TRAPPC8: variants seen among roughly 807,000 people sequenced by gnomAD.
TRAPPC8 encodes the protein trafficking protein particle complex subunit 8.
A neutral mutation model predicts 174.3 loss-of-function variants in TRAPPC8; 54 were observed. The observed-to-expected ratio is 0.31, with a 90% CI of 0.25 to 0.39. The LOEUF is 0.39. Ranked by LOEUF, TRAPPC8 falls within the 10% of genes least tolerant of loss-of-function variation. The probability of loss-of-function intolerance (pLI) is 1.00; values close to 1 mark genes in which losing one functional copy is unlikely to be tolerated. For synonymous variants in TRAPPC8, 630 were observed against 579.9 expected (o/e 1.09, Z -1.24); for missense variants, 1,531 against 1,699.1 (o/e 0.90, Z 1.74).
intron 26 of TRAPPC8, 84 bp from the exon 27 acceptor site, chr18:31,839,541 G>C: frequency 7.9e-7 from 1 of 1,273,162 alleles, no homozygotes; most frequent in East Asian, 2.5e-5. Context: ...ATATACAAAA[G>C]TTAAAATCAG....
chr18:31,917,461 T>TA, intron 3 of TRAPPC8, 117 bp downstream of exon 3: 1 of 878,086 alleles, frequency 1.1e-6, no homozygotes, highest in Non-Finnish European at 1.7e-6. Flanking sequence ...TGTCAATCTA[T>TA]AAAAAATAAT....
chr18:31,880,777 T>C (rs763077557), intron 12 of TRAPPC8, among the ~76,000 whole-genome samples: 1 of 152,114 alleles, frequency 6.6e-6, no homozygotes, highest in Non-Finnish European at 1.5e-5. Context: ...CTAAAGACAG[T>C]AGTCATTAGG....
chr18:31,925,392 C>A (rs1373374212), intron 2 of TRAPPC8, among the ~76,000 whole-genome samples: 1 of 151,632 alleles, frequency 6.6e-6, no homozygotes, highest in East Asian at 1.9e-4. Context: ...AAAAAAACCC[C>A]AAAAAGACAC....
At position 31,832,084 on chromosome 18, in the gene TRAPPC8, C is replaced by A; in HGVS notation, c.4073G>T (p.Ser1358Ile). 1 of 1,531,664 alleles carries A rather than the reference C, an allele frequency of 6.5e-7. No individual in the cohort carries two copies. The highest frequency in any genetic ancestry group is 1.3e-5 in the South Asian group (1 of 77,184). The allele number at this position is 1,531,664 out of a possible 1,614,324, so 94.9% of individuals were successfully genotyped here. ...VIVDLRHKTTSPEALEIHGSF... is the reference protein window; with the variant it reads ...VIVDLRHKTTIPEALEIHGSF... ...AACCTTGCACTAAACAAATCTTTAC[C>A]TTGTTGTTTTATGCCGAAGATCAAC... Residue 1358 changes from serine (S) to isoleucine (I), a missense_variant and splice_region_variant, in exon 28 of 29, where the codon AGT becomes ATT. Transcript: ENST00000283351.
chr18:31,899,258 A>C (rs2036307807), intron 10 of TRAPPC8, among the ~76,000 whole-genome samples: 1 of 152,216 alleles, frequency 6.6e-6, no homozygotes, highest in South Asian at 2.1e-4. Context: ...TTTATCCCAT[A>C]TGGTCAATTA....
intron 12 of TRAPPC8, among the ~76,000 whole-genome samples, chr18:31,878,048 C>T (rs1215292683): frequency 6.6e-6 from 1 of 152,076 alleles, no homozygotes; most frequent in Non-Finnish European, 1.5e-5. Context: ...AAGCTGTTTA[C>T]TCTGTACTAG....
At chr18:31,864,814 A>T in intron 18 of TRAPPC8, 33 bp from the exon 19 acceptor site, 1 of 1,577,066 alleles carries the variant, frequency 6.3e-7, no homozygotes, top group Non-Finnish European at 8.6e-7. Flanking sequence ...CCCTAAAATA[A>T]TTTGGTATGT....
rs557888179 is a variant in TRAPPC8, at chr18:31,857,742, T to C, written c.2986A>G (p.Ile996Val). The change falls in exon 20 of 29, where the codon ATA (isoleucine) becomes GTA (valine). Residue 996 changes from isoleucine (I) to valine (V), a missense_variant. Coordinates refer to ENST00000283351, the MANE Select transcript of TRAPPC8 (RefSeq NM_014939.5). ...AAGTCTACAGAAGAAGCTGATGATATGAGTGCTGTACACACAGAGGTAGCA... is the reference window on the plus strand; with the variant it reads ...AAGTCTACAGAAGAAGCTGATGATACGAGTGCTGTACACACAGAGGTAGCA... ...TDATSVCTALISSASSVDFGI... is the reference protein window; with the variant it reads ...TDATSVCTALVSSASSVDFGI... 1 of 1,614,168 alleles carries C rather than the reference T, an allele frequency of 6.2e-7. No homozygotes were observed. The highest frequency in any genetic ancestry group is 8.5e-7 in the Non-Finnish European group (1 of 1,180,014).
At chr18:31,907,719 T>C (rs1219201425) in intron 8 of TRAPPC8, 109 bp from the exon 9 acceptor site, 3 of 946,612 alleles carry the variant, frequency 3.2e-6, no homozygotes, top group African/African-American at 1.7e-5. Flanking sequence ...AGAAAACTAA[T>C]GCTGTTTCAA....
intron 13 of TRAPPC8, 40 bp downstream of exon 13, chr18:31,874,440 C>T (rs1328733636): frequency 6.5e-7 from 1 of 1,537,152 alleles, no homozygotes; most frequent in African/African-American, 1.4e-5. Flanking sequence ...CACTAAAATA[C>T]AGTTTTAATA....
At chr18:31,838,978 T>C (rs1247300528) in intron 27 of TRAPPC8, among the ~76,000 whole-genome samples, 1 of 152,220 alleles carries the variant, frequency 6.6e-6, no homozygotes, top group African/African-American at 2.4e-5. Flanking sequence ...AGATTGTTTC[T>C]AATAGGCTTC....
At chr18:31,839,266 G>A in intron 27 of TRAPPC8, 46 bp downstream of exon 27, 3 of 1,557,554 alleles carry the variant, frequency 1.9e-6, no homozygotes, top group African/African-American at 2.8e-5. Flanking sequence ...AAATACACGT[G>A]CCAGTGTGTT....
chr18:31,908,258 G>C, intron 8 of TRAPPC8, 45 bp downstream of exon 8: 1 of 1,207,090 alleles, frequency 8.3e-7, no homozygotes, highest in East Asian at 2.5e-5. Context: ...ACACTAGTCA[G>C]AGAGTTAAAC....
rs751961592 is a variant in TRAPPC8, at chr18:31,942,700, G to A, written c.65C>T (p.Ala22Val). Residue 22 changes from alanine (A) to valine (V), a missense_variant, in exon 1 of 29, where the codon GCG becomes GTG. Ala to Val is a moderately conservative substitution (Grantham distance 64, BLOSUM62 0). Coordinates refer to ENST00000283351, the MANE Select transcript of TRAPPC8 (RefSeq NM_014939.5). Reference protein sequence around the residue: ...IPDSFVPCVAALCSDEAERLT... With the variant: ...IPDSFVPCVAVLCSDEAERLT... Reference sequence around the variant, plus strand: ...CCGCTCGGCTTCGTCGCTGCACAGCGCAGCGACACAGGGGACGAAGGAGTC... The same window carrying A: ...CCGCTCGGCTTCGTCGCTGCACAGCACAGCGACACAGGGGACGAAGGAGTC... 1.7e-5 allele frequency: 28 copies of A among 1,607,766 alleles called. 1 individual carries two copies. The South Asian group carries it at 1.8e-4, about 10-fold the overall frequency.
intron 22 of TRAPPC8, chr18:31,852,993 C>T (rs1232779234): frequency 3.8e-6 from 1 of 263,620 alleles, no homozygotes. Flanking sequence ...TCTTCATTTC[C>T]TTTCAGTATG....
chr18:31,849,854 C>T (rs2076758104), intron 24 of TRAPPC8, 115 bp from the exon 25 acceptor site: 1 of 944,956 alleles, frequency 1.1e-6, no homozygotes, highest in Admixed American at 3.4e-5. Flanking sequence ...ATTTCTATAG[C>T]TTATACATAC....
chr18:31,867,088 G>A lies in TRAPPC8; in HGVS notation c.2464-113C>T, dbSNP rs1162569846. 3.2e-5 allele frequency: 36 copies of A among 1,130,522 alleles called. No individual in the cohort carries two copies. The Admixed American group carries it at 9.9e-4, about 31-fold the overall frequency. The allele number at this position is 1,130,522 out of a possible 1,614,324, so 70.0% of individuals were successfully genotyped here. A position where few individuals can be genotyped will look rare whatever the true frequency, so the allele number is the denominator to read the frequency against. The stretch of plus-strand genomic sequence containing the variant: ...AACTCATGACCTAAACTTTTAAAAT[G>A]CCAATTAATTTATGAAAAGCATCTT... On this transcript the variant is annotated intron_variant, in intron 17 of 28. Coordinates refer to ENST00000283351, the MANE Select transcript of TRAPPC8 (RefSeq NM_014939.5).
At chr18:31,850,260 C>T (rs1213481038) in intron 24 of TRAPPC8, among the ~76,000 whole-genome samples, 1 of 152,006 alleles carries the variant, frequency 6.6e-6, no homozygotes, top group African/African-American at 2.4e-5. Context: ...TGCAAGTTAC[C>T]CTGAATCTTA....
intron 21 of TRAPPC8, 84 bp downstream of exon 21, chr18:31,855,576 A>G: frequency 5.7e-6 from 7 of 1,228,272 alleles, no homozygotes; most frequent in Non-Finnish European, 5.7e-6. Context: ...GCTGTCTTGT[A>G]AAGGAAAACA....
Sources: allele counts gnomAD v4.1 joint callset (sites outside exome capture counted in the v4.1 genomes callset), GRCh38; gene constraint gnomAD v4.1.1; transcripts MANE v1.5; gene names NCBI Gene and HGNC (gene_info 2026-07-23, HGNC 2026-07-21).